The following MTREX variants were observed in gnomAD, a reference collection of about 807,000 sequenced individuals.
MTREX encodes the protein Mtr4 exosome RNA helicase.
A neutral mutation model predicts 135.4 loss-of-function variants in MTREX; 76 were observed. The observed-to-expected ratio is 0.56, with a 90% CI of 0.47 to 0.68. The LOEUF (loss-of-function observed/expected upper bound fraction) is 0.68, where lower values mean the gene tolerates loss of function less well. Ranked by LOEUF, MTREX falls within the 30% of genes least tolerant of loss-of-function variation. MTREX has a pLI of 0.00. For synonymous variants in MTREX, 404 were observed against 401.6 expected (o/e 1.01, Z -0.07); for missense variants, 920 against 1,262.1 (o/e 0.73, Z 4.11).
intron 26 of MTREX, chr5:55,423,295 A>AGTC (rs1751085375): frequency 3.7e-6 from 1 of 269,562 alleles, no homozygotes; most frequent in Admixed American, 5.2e-5. Flanking sequence ...GAGATAGACA[A>AGTC]TAAGTCAACA....
chr5:55,378,253 T>G, intron 16 of MTREX, 61 bp from the exon 17 acceptor site: 1 of 1,485,094 alleles, frequency 6.7e-7, no homozygotes, highest in Non-Finnish European at 8.9e-7. Context: ...ATCCTATGTC[T>G]TGGGTATAAT....
At chr5:55,402,379 TCCCTCCATG>T (rs1750735311) in intron 21 of MTREX, among the ~76,000 whole-genome samples, 1 of 152,178 alleles carries the variant, frequency 6.6e-6, no homozygotes, top group Non-Finnish European at 1.5e-5. Flanking sequence ...CTGCTGTCAG[TCCCTCCATG>T]GCCACCAGGG....
chr5:55,386,021 G>GTTC (rs1456992598), intron 18 of MTREX, among the ~76,000 whole-genome samples: 1 of 152,124 alleles, frequency 6.6e-6, no homozygotes, highest in Non-Finnish European at 1.5e-5. Context: ...CACTAAAAAT[G>GTTC]TGAAGTACAT....
At chr5:55,324,035 G>A in intron 2 of MTREX, 97 bp from the exon 3 acceptor site, 1 of 818,646 alleles carries the variant, frequency 1.2e-6, no homozygotes, top group Non-Finnish European at 2.0e-6. Flanking sequence ...CTGATGATTG[G>A]ACAGTGTCAT....
At chr5:55,362,491 G>A (rs139841441) in intron 15 of MTREX, among the ~76,000 whole-genome samples, 8 of 152,080 alleles carry the variant, frequency 5.3e-5, no homozygotes, top group African/African-American at 1.9e-4. Context: ...CTCCCAAGTA[G>A]CTGAGATTAC....
At chr5:55,415,892 A>G in intron 24 of MTREX, 78 bp from the exon 25 acceptor site, 1 of 1,032,884 alleles carries the variant, frequency 9.7e-7, no homozygotes, top group Non-Finnish European at 1.4e-6. Flanking sequence ...ACCTCCTGGA[A>G]TACTGGCTTG....
chr5:55,338,148 A>G (rs970405986), intron 5 of MTREX, among the ~76,000 whole-genome samples: 1 of 152,166 alleles, frequency 6.6e-6, no homozygotes, highest in Admixed American at 6.5e-5. Flanking sequence ...ACCTTTACAT[A>G]CATAGTCTTA....
intron 15 of MTREX, among the ~76,000 whole-genome samples, chr5:55,360,114 C>T (rs916158502): frequency 5.9e-5 from 9 of 152,122 alleles, no homozygotes; most frequent in African/African-American, 2.2e-4. Context: ...CCACCCCTAC[C>T]TCAAGCCCTA....
chr5:55,385,907 C>A (rs1325598425), intron 18 of MTREX, among the ~76,000 whole-genome samples: 2 of 152,126 alleles, frequency 1.3e-5, no homozygotes, highest in South Asian at 2.1e-4. Context: ...GATGAGAGTT[C>A]TTTTAGGCAA....
intron 6 of MTREX, among the ~76,000 whole-genome samples, chr5:55,340,508 ACT>A (rs1579857819): frequency 1.3e-5 from 2 of 151,948 alleles, no homozygotes; most frequent in African/African-American, 4.8e-5. Context: ...AGTAATAGTG[ACT>A]CTTCATTTCA....
chr5:55,359,601 C>T (rs1368167608), intron 15 of MTREX, among the ~76,000 whole-genome samples: 3 of 152,068 alleles, frequency 2.0e-5, no homozygotes, highest in African/African-American at 7.2e-5. Flanking sequence ...TCATAATAAT[C>T]GTATTGTGTC....
Position 55,346,360 on chromosome 5 carries a change from C to T in MTREX, c.1109-653C>T, listed in dbSNP as rs574199529. Reference sequence around the variant, plus strand: ...TCCTCCTCCATAGAAACAGAGGCATCTTTCTGTAATTACAGCATCCCTGGG... The same window carrying T: ...TCCTCCTCCATAGAAACAGAGGCATTTTTCTGTAATTACAGCATCCCTGGG... On this transcript the variant is annotated intron_variant, in intron 10 of 26. Coordinates refer to ENST00000230640, the MANE Select transcript of MTREX (RefSeq NM_015360.5). Among the ~76,000 whole-genome samples, 9 of 152,310 alleles carry T rather than the reference C, an allele frequency of 5.9e-5. No homozygotes were observed. The South Asian group carries it at 1.7e-3, about 28-fold the overall frequency.
At chr5:55,368,967 C>A (rs1259690402) in intron 16 of MTREX, among the ~76,000 whole-genome samples, 1 of 151,920 alleles carries the variant, frequency 6.6e-6, no homozygotes, top group Non-Finnish European at 1.5e-5. Flanking sequence ...TTATTAATTT[C>A]TTGTAAAAGT....
chr5:55,325,305 T>A (rs906716854), intron 3 of MTREX, among the ~76,000 whole-genome samples: 6 of 150,480 alleles, frequency 4.0e-5, no homozygotes, highest in African/African-American at 1.5e-4. Context: ...GGTACATATA[T>A]GCAAGTGTTG....
At chr5:55,382,583 T>C (rs1750413911) in intron 18 of MTREX, among the ~76,000 whole-genome samples, 1 of 152,142 alleles carries the variant, frequency 6.6e-6, no homozygotes, top group Non-Finnish European at 1.5e-5. Flanking sequence ...TTTTATTGCT[T>C]TTTGAAAATT....
intron 1 of MTREX, among the ~76,000 whole-genome samples, chr5:55,321,740 C>G (rs897485853): frequency 6.6e-6 from 1 of 151,644 alleles, no homozygotes; most frequent in Non-Finnish European, 1.5e-5. Flanking sequence ...TCTCGAGTAG[C>G]TGGGACTACA....
At chr5:55,420,181 A>G (rs1475143896) in intron 25 of MTREX, among the ~76,000 whole-genome samples, 1 of 144,660 alleles carries the variant, frequency 6.9e-6, no homozygotes. Flanking sequence ...AGTAGTTGCA[A>G]GATACATGTG....
chr5:55,352,674 T>G (rs1331653613), intron 13 of MTREX, among the ~76,000 whole-genome samples: 1 of 152,202 alleles, frequency 6.6e-6, no homozygotes, highest in Non-Finnish European at 1.5e-5. Flanking sequence ...CCTAGAGAAT[T>G]TAGTACTTCA....
At chr5:55,380,231 C>T (rs1260917542) in intron 18 of MTREX, among the ~76,000 whole-genome samples, 3 of 152,116 alleles carry the variant, frequency 2.0e-5, no homozygotes, top group African/African-American at 7.2e-5. Flanking sequence ...TGAGCCACCA[C>T]GCCCGGCCTG....
Sources: allele counts gnomAD v4.1 joint callset (sites outside exome capture counted in the v4.1 genomes callset), GRCh38; gene constraint gnomAD v4.1.1; transcripts MANE v1.5; gene names NCBI Gene and HGNC (gene_info 2026-07-23, HGNC 2026-07-21).